Variants in VGLL4 observed in about 807,000 individuals in gnomAD.
VGLL4 encodes vestigial like family member 4.
A neutral mutation model predicts 21.0 loss-of-function variants in VGLL4; 7 were observed. The ratio of observed to expected loss-of-function variants is 0.33; its 90% CI spans 0.19 to 0.63. VGLL4 has a LOEUF of 0.63. Among genes scored for constraint, VGLL4 ranks in the 20% least tolerant of loss-of-function variants. VGLL4 has a pLI of 0.78. For missense variants in VGLL4, 394 were observed against 425.7 expected (o/e 0.93, Z 0.66); for synonymous variants, 222 against 173.2 (o/e 1.28, Z -2.21).
chr3:11,618,253 C>T (rs2075202475), intron 1 of VGLL4, among the ~76,000 whole-genome samples: 1 of 152,060 alleles, frequency 6.6e-6, no homozygotes, highest in South Asian at 2.1e-4. Context: ...ATGGTATATT[C>T]TGGAGTGCTT....
intron 2 of VGLL4, among the ~76,000 whole-genome samples, chr3:11,572,100 C>G (rs534935813): frequency 6.6e-6 from 1 of 151,858 alleles, no homozygotes; most frequent in Non-Finnish European, 1.5e-5. Context: ...AGAGTGAGAC[C>G]CTGTCTCAAA....
intron 2 of VGLL4, among the ~76,000 whole-genome samples, chr3:11,570,862 C>G (rs931511396): frequency 6.6e-5 from 10 of 152,212 alleles, no homozygotes; most frequent in Non-Finnish European, 8.8e-5. Context: ...GGAGTGAACT[C>G]ATCACCGTGG....
chr3:11,693,599 G>C (rs1461658194), intron 2 of VGLL4, among the ~76,000 whole-genome samples: 1 of 152,172 alleles, frequency 6.6e-6, no homozygotes, highest in East Asian at 1.9e-4. Flanking sequence ...CTTTTCCCCT[G>C]AATCAGTTCC....
In VGLL4 at chr3:11,602,013, G is replaced by A. The variant is rs1403013107; in HGVS notation, c.92C>T (p.Ala31Val). Residue 31 changes from alanine (A) to valine (V), a missense_variant, in exon 2 of 5, where the codon GCT becomes GTT. By Grantham distance (64) the Ala-to-Val change is moderately conservative. Transcript: ENST00000430365. ...CTGTATTCTGGGTTCTCCCCTGAGAGCAGCTTCGCCTACGCAGAGAGAGAT... is the reference window on the plus strand; with the variant it reads ...CTGTATTCTGGGTTCTCCCCTGAGAACAGCTTCGCCTACGCAGAGAGAGAT... ...IGILCYEGEA[A>V]LRGEPRIQTL... 1 of 1,568,156 alleles carries A rather than the reference G, an allele frequency of 6.4e-7. No homozygotes were observed. The highest frequency in any genetic ancestry group is 2.3e-5 in the East Asian group (1 of 42,960).
intron 1 of VGLL4, among the ~76,000 whole-genome samples, chr3:11,627,653 C>G (rs2616549): frequency 6.7e-6 from 1 of 149,922 alleles, no homozygotes; most frequent in African/African-American, 2.5e-5. Context: ...CGCAGTATTA[C>G]GTTAAATGTG....
chr3:11,573,300 A>G (rs187893283), intron 2 of VGLL4, among the ~76,000 whole-genome samples: 424 of 9,458 alleles, frequency 0.045, 38 homozygotes, highest in East Asian at 0.1. Flanking sequence ...AGAAAGAAAG[A>G]AAGAAAGGAA....
intron 2 of VGLL4, among the ~76,000 whole-genome samples, chr3:11,658,070 A>G (rs2075982001): frequency 6.6e-6 from 1 of 151,788 alleles, no homozygotes; most frequent in South Asian, 2.1e-4. Flanking sequence ...AGCAGCTGAT[A>G]CTACAAATGT....
Position 11,604,424 on chromosome 3 carries a change from T to C in VGLL4, c.83-2402A>G. The stretch of plus-strand genomic sequence containing the variant: ...AGACTGTGCAGCCTCACACAAGGCT[T>C]ACAGCAAAGGAAAAGAATCCGCACA... On this transcript the variant is annotated intron_variant, in intron 1 of 4. Coordinates refer to ENST00000430365, the MANE Select transcript of VGLL4 (RefSeq NM_001128219.3). 2.1e-6 allele frequency: 2 copies of C among 957,186 alleles called. 1 individual carries two copies. The highest frequency in any genetic ancestry group is 2.5e-6 in the Non-Finnish European group (2 of 810,384). 59.3% of individuals were successfully genotyped at this position (957,186 alleles called of 1,614,324 possible).
chr3:11,692,123 C>CA, intron 2 of VGLL4, among the ~76,000 whole-genome samples: 1 of 151,928 alleles, frequency 6.6e-6, no homozygotes, highest in Non-Finnish European at 1.5e-5. Context: ...GATTGTGAAA[C>CA]ATTTGTTTAA....
At chr3:11,606,375 A>G (rs1271203819) in intron 1 of VGLL4, among the ~76,000 whole-genome samples, 1 of 152,210 alleles carries the variant, frequency 6.6e-6, no homozygotes, top group African/African-American at 2.4e-5. Context: ...TCAATACCAC[A>G]AAGAGATACC....
chr3:11,587,946 A>G (rs9828659), intron 2 of VGLL4, among the ~76,000 whole-genome samples: 44,309 of 152,106 alleles, frequency 0.29, 7,969 homozygotes, highest in African/African-American at 0.51. Flanking sequence ...AACCTCGCGC[A>G]TGTGTGCGTT....
At chr3:11,647,896 G>A (rs2075815916), upstream of VGLL4, among the ~76,000 whole-genome samples, 1 of 151,968 alleles carries the variant, frequency 6.6e-6, no homozygotes, top group Non-Finnish European at 1.5e-5. Flanking sequence ...GTCATTAGGT[G>A]GCTGTCAACA....
At chr3:11,639,212 C>T (rs902968177) in intron 1 of VGLL4, among the ~76,000 whole-genome samples, 1 of 152,218 alleles carries the variant, frequency 6.6e-6, no homozygotes, top group Non-Finnish European at 1.5e-5. Context: ...GTCAGTGCAG[C>T]GACAGCGATC....
At chr3:11,714,888 C>A (rs935072725) in intron 1 of VGLL4, among the ~76,000 whole-genome samples, 4 of 152,166 alleles carry the variant, frequency 2.6e-5, no homozygotes, top group South Asian at 2.1e-4. Flanking sequence ...GTAACCCCAG[C>A]AGTTTGGGAG....
chr3:11,675,137 T>C (rs984121706), intron 2 of VGLL4, among the ~76,000 whole-genome samples: 2 of 151,608 alleles, frequency 1.3e-5, no homozygotes, highest in African/African-American at 4.8e-5. Context: ...AGGTCAGGAG[T>C]TCGAGACCAG....
At position 11,569,036 on chromosome 3, in the gene VGLL4, C is replaced by G. The variant is rs111792540; in HGVS notation, c.273-4017G>C. 265 of 728,394 alleles carry G rather than the reference C, an allele frequency of 3.6e-4. 1 individual carries two copies. In the African/African-American group the frequency reaches 3.9e-3, roughly 11 times the overall value. The allele number at this position is 728,394 out of a possible 1,614,324, so 45.1% of individuals were successfully genotyped here. A position where few individuals can be genotyped will look rare whatever the true frequency, so the allele number is the denominator to read the frequency against. The stretch of plus-strand genomic sequence containing the variant: ...TTCTGAGTACTGAAAGCCACACGCT[C>G]TCTAAGCTAAGAAACCAAGAATGTC... On this transcript the variant is annotated intron_variant, in intron 2 of 4. Transcript: ENST00000430365.
In VGLL4 at chr3:11,568,867, T is replaced by A; in HGVS notation, c.273-3848A>T. On this transcript the variant is annotated intron_variant, in intron 2 of 4. Coordinates refer to ENST00000430365, the MANE Select transcript of VGLL4 (RefSeq NM_001128219.3). This position sits in a 1 kb window ranked among gnomAD's most constrained non-coding sequence, Gnocchi z 5.9. ...TCCGTGCCAGGCCTATCAGAGCCGC[T>A]GAGGCTGCACGGCACCCGGCCCCGC... 7.3e-7 allele frequency: 1 copy of A among 1,367,852 alleles called. No homozygotes were observed. Among genetic ancestry groups the A allele is most frequent in the Admixed American group, 3.2e-5 (1 of 31,298 alleles). 84.7% of individuals were successfully genotyped at this position (1,367,852 alleles called of 1,614,324 possible).
In VGLL4 at chr3:11,719,440, C is replaced by A. The variant is rs1351978602; in HGVS notation, c.-14+954G>T. ...ACCGCCCGGCGGCTCTGGGCGCGCC[C>A]GCCTGGGGCCGGCCTGGCCCTGCGG... On this transcript the variant is annotated intron_variant, in intron 1 of 5. Transcript: ENST00000273038. This position sits in a 1 kb window ranked among gnomAD's most constrained non-coding sequence, Gnocchi z 4.0. 6.6e-6 allele frequency: 1 copy of A among 151,586 alleles called. No homozygotes were observed. The highest frequency in any genetic ancestry group is 1.5e-5 in the Non-Finnish European group (1 of 67,878). The allele number at this position is 151,586 out of a possible 1,614,324, so 9.4% of individuals were successfully genotyped here.
chr3:11,626,721 C>T lies in VGLL4; in HGVS notation c.82+16716G>A, dbSNP rs553424159. Among the ~76,000 whole-genome samples the T allele has an allele frequency of 9.9e-5, 15 of 152,182 alleles. No individual in the cohort carries two copies. The South Asian group carries it at 2.5e-3, about 25-fold the overall frequency. ...GTTGGCTGAAACTTCCCAAACAGCC[C>T]GTTACTCCATGTGATATAAATGGGT... On this transcript the variant is annotated intron_variant, in intron 1 of 4. Coordinates refer to ENST00000430365, the MANE Select transcript of VGLL4 (RefSeq NM_001128219.3).
Sources: allele counts gnomAD v4.1 joint callset (sites outside exome capture counted in the v4.1 genomes callset), GRCh38; gene constraint gnomAD v4.1.1; non-coding constraint Gnocchi (gnomAD v3.1); transcripts MANE v1.5; gene names NCBI Gene and HGNC (gene_info 2026-07-23, HGNC 2026-07-21).